The following PTPRE variants were observed in gnomAD, a reference collection of about 807,000 sequenced individuals.
PTPRE encodes the protein protein tyrosine phosphatase receptor type E.
In PTPRE, 51 loss-of-function variants were observed where a neutral mutation model predicts 102.0. The observed-to-expected ratio is 0.50, with a 90% confidence interval of 0.40 to 0.63. The LOEUF (loss-of-function observed/expected upper bound fraction) is 0.63, where lower values mean the gene tolerates loss of function less well. Ranked by LOEUF, PTPRE falls within the 30% of genes least tolerant of loss-of-function variation. The pLI, the probability that PTPRE is intolerant of heterozygous loss-of-function variation, is 0.00. For missense variants in PTPRE, 752 were observed against 915.1 expected, an observed-to-expected ratio of 0.82 and a Z score of 2.30; for synonymous variants, 345 against 348.2, an observed-to-expected ratio of 0.99 and a Z score of 0.10.
rs528222855 is a variant in PTPRE at position 127,944,256 on chromosome 10, G to C, written c.-31+36947G>C. On this transcript the variant is annotated intron_variant, in intron 1 of 20. Coordinates refer to ENST00000254667, the MANE Select transcript of PTPRE (RefSeq NM_006504.6). The surrounding 1 kb of genome is among the most constrained non-coding windows in gnomAD (Gnocchi z 4.2). The stretch of plus-strand genomic sequence containing the variant: ...AATTAAGAGGAAGACCACAGCTGTT[G>C]TGTCACATGCAGCATGATAGTCAGG... Among the ~76,000 whole-genome samples the C allele has an allele frequency of 6.6e-6, 1 of 152,236 alleles. No homozygotes were observed. Among genetic ancestry groups the C allele is most frequent in the Admixed American group, 6.5e-5 (1 of 15,290 alleles).
At chr10:128,002,000 G>T (rs1242747643) in intron 2 of PTPRE, among the ~76,000 whole-genome samples, 1 of 152,200 alleles carries the variant, frequency 6.6e-6, no homozygotes. Flanking sequence ...ATCTCTGCAG[G>T]CTGGAGGGCT....
Position 128,047,482 on chromosome 10 carries a change from T to G in PTPRE, c.202T>G (p.Phe68Val). Residue 68 changes from phenylalanine to valine, a missense_variant, in exon 4 of 21, where the codon TTC becomes GTC. By Grantham distance (50) the Phe-to-Val change is conservative. Coordinates refer to ENST00000254667, the MANE Select transcript of PTPRE (RefSeq NM_006504.6). ...CCTCGTGCTCCTTCTCGCCGCCTACTTCTTCAGGTAGGAGTGTCCCGGGGC... is the reference window on the plus strand; with the variant it reads ...CCTCGTGCTCCTTCTCGCCGCCTACGTCTTCAGGTAGGAGTGTCCCGGGGC... ...LLLVLLLAAY[F>V]FRFRKQRKAV... The G allele has an allele frequency of 6.2e-7, 1 of 1,613,362 alleles. No homozygotes were observed. Among genetic ancestry groups the G allele is most frequent in the African/African-American group, 1.3e-5 (1 of 75,044 alleles).
At chr10:127,949,193 G>T (rs2135334740) in intron 1 of PTPRE, among the ~76,000 whole-genome samples, 1 of 152,234 alleles carries the variant, frequency 6.6e-6, no homozygotes, top group Non-Finnish European at 1.5e-5. Context: ...AGGGTCTTCA[G>T]CTTGAAGATG....
chr10:128,022,204 C>T (rs1321795609), intron 2 of PTPRE, among the ~76,000 whole-genome samples: 1 of 152,200 alleles, frequency 6.6e-6, no homozygotes, highest in Non-Finnish European at 1.5e-5. Context: ...CACAGCACCA[C>T]CCAGGCCCCT....
intron 1 of PTPRE, among the ~76,000 whole-genome samples, chr10:127,915,794 C>A (rs1846163587): frequency 6.6e-6 from 1 of 150,916 alleles, no homozygotes; most frequent in Admixed American, 6.6e-5. Context: ...CCTTTATTGA[C>A]TACCTACAGT....
intron 2 of PTPRE, among the ~76,000 whole-genome samples, chr10:127,992,199 A>G (rs1442049905): frequency 1.3e-5 from 2 of 152,154 alleles, no homozygotes; most frequent in African/African-American, 4.8e-5. Context: ...GGAGTTAGTC[A>G]TGGGGAAAAC....
intron 2 of PTPRE, among the ~76,000 whole-genome samples, chr10:128,003,573 T>G (rs1250095277): frequency 2.6e-5 from 4 of 152,332 alleles, no homozygotes; most frequent in Non-Finnish European, 5.9e-5. Flanking sequence ...GAAATAATCC[T>G]GAATAGCTAG....
intron 6 of PTPRE, among the ~76,000 whole-genome samples, chr10:128,055,156 C>T (rs1454930171): frequency 6.6e-6 from 1 of 152,150 alleles, no homozygotes; most frequent in Non-Finnish European, 1.5e-5. Context: ...TACTGGAATC[C>T]CAGTGGCCCC....
intron 2 of PTPRE, among the ~76,000 whole-genome samples, 155 bp downstream of exon 2, chr10:127,982,451 G>C (rs1033080754): frequency 1.3e-5 from 2 of 151,842 alleles, no homozygotes; most frequent in African/African-American, 2.4e-5. Context: ...TACCTTGCTT[G>C]AGCAGGCTCA....
At chr10:127,951,803 T>C (rs1011253473) in intron 1 of PTPRE, among the ~76,000 whole-genome samples, 2 of 152,252 alleles carry the variant, frequency 1.3e-5, no homozygotes, top group Admixed American at 1.3e-4. Flanking sequence ...ACTTGAAAGA[T>C]GCAGGAATGG....
At chr10:128,026,160 A>T (rs1846274280) in intron 2 of PTPRE, among the ~76,000 whole-genome samples, 4 of 152,184 alleles carry the variant, frequency 2.6e-5, no homozygotes, top group African/African-American at 9.6e-5. Context: ...AGAAGAAAGA[A>T]CACAGCACTT....
intron 2 of PTPRE, among the ~76,000 whole-genome samples, chr10:128,013,291 G>A (rs938896817): frequency 1.3e-5 from 2 of 152,178 alleles, no homozygotes; most frequent in African/African-American, 2.4e-5. Context: ...CTCCGAAGTC[G>A]TGAGTAGAGG....
At chr10:128,025,535 G>A (rs1417707703) in intron 2 of PTPRE, among the ~76,000 whole-genome samples, 2 of 152,166 alleles carry the variant, frequency 1.3e-5, no homozygotes, top group Non-Finnish European at 2.9e-5. Context: ...CACACAGTCA[G>A]GAGTAGGCCT....
rs1851954981 is a variant in PTPRE at position 128,084,441 on chromosome 10, G to T, written c.*1535G>T. The T allele has an allele frequency of 6.6e-6, 1 of 152,220 alleles. No individual in the cohort carries two copies. Among genetic ancestry groups the T allele is most frequent in the African/African-American group, 2.4e-5 (1 of 41,454 alleles). 9.4% of individuals were successfully genotyped at this position (152,220 alleles called of 1,614,324 possible). On this transcript the variant is annotated 3_prime_UTR_variant, in exon 21 of 21. Transcript: ENST00000254667. ...AAATGCAACCCCAGGACACATTATT[G>T]TTCTGATAGATGCTCACAGGGAATC...
chr10:127,991,886 T>C (rs1589932731), intron 2 of PTPRE, among the ~76,000 whole-genome samples: 1 of 152,290 alleles, frequency 6.6e-6, no homozygotes, highest in East Asian at 1.9e-4. Flanking sequence ...CCCCACCCCT[T>C]ACCAAACTGT....
At chr10:127,926,873 G>T (rs1200803019) in intron 1 of PTPRE, among the ~76,000 whole-genome samples, 1 of 140,632 alleles carries the variant, frequency 7.1e-6, no homozygotes, top group East Asian at 2.2e-4. Flanking sequence ...GTGCAGTGGT[G>T]TGATCTCAGC....
At chr10:127,913,201 C>A (rs1002754141) in intron 1 of PTPRE, among the ~76,000 whole-genome samples, 1 of 152,196 alleles carries the variant, frequency 6.6e-6, no homozygotes, top group Non-Finnish European at 1.5e-5. Context: ...CCAGCGGTCT[C>A]ACACAAGGCA....
At chr10:128,011,911 CCT>C (rs1186731724) in intron 2 of PTPRE, among the ~76,000 whole-genome samples, 1 of 152,228 alleles carries the variant, frequency 6.6e-6, no homozygotes, top group Admixed American at 6.5e-5. Flanking sequence ...CCACCTGTGT[CCT>C]CACCCATCCT....
chr10:128,001,131 AG>A (rs1450905858), intron 2 of PTPRE, among the ~76,000 whole-genome samples: 8 of 152,234 alleles, frequency 5.3e-5, no homozygotes. Flanking sequence ...GTAATGTGAA[AG>A]GGCTTCCATT....
Sources: allele counts gnomAD v4.1 joint callset (sites outside exome capture counted in the v4.1 genomes callset), GRCh38; gene constraint gnomAD v4.1.1; non-coding constraint Gnocchi (gnomAD v3.1); transcripts MANE v1.5; gene names NCBI Gene and HGNC (gene_info 2026-07-23, HGNC 2026-07-21).